Variants in TGFBR1 observed in about 807,000 individuals in gnomAD.
TGFBR1 encodes transforming growth factor beta receptor 1.
Under a neutral mutation model 55.1 loss-of-function variants are expected in TGFBR1, and 20 were observed. The ratio of observed to expected loss-of-function variants is 0.36; its 90% CI spans 0.26 to 0.53. TGFBR1 has a LOEUF of 0.53. Among genes scored for constraint, TGFBR1 ranks in the 20% least tolerant of loss-of-function variants. TGFBR1 has a pLI of 0.91. For missense variants in TGFBR1, 385 were observed against 617.6 expected (o/e 0.62, Z 3.99); for synonymous variants, 220 against 214.8 (o/e 1.02, Z -0.21).
intron 1 of TGFBR1, among the ~76,000 whole-genome samples, chr9:99,109,340 G>T (rs1410262380): frequency 2.0e-5 from 3 of 152,140 alleles, no homozygotes; most frequent in Non-Finnish European, 4.4e-5. Flanking sequence ...TTGAATTGGG[G>T]TGTAGTTAGA....
intron 3 of TGFBR1, 134 bp downstream of exon 3, chr9:99,132,873 A>G (rs1827288946): frequency 1.0e-5 from 13 of 1,246,568 alleles, no homozygotes; most frequent in South Asian, 1.5e-5. Context: ...TGAACCTAAT[A>G]AAAATCTTTA....
chr9:99,149,032 A>T, intron 8 of TGFBR1, 148 bp from the exon 9 acceptor site: 1 of 843,278 alleles, frequency 1.2e-6, no homozygotes, highest in Non-Finnish European at 1.8e-6. Context: ...AAATTTATGT[A>T]ATTTCTACTC....
At chr9:99,130,219 A>G (rs1827178556) in intron 2 of TGFBR1, among the ~76,000 whole-genome samples, 1 of 152,154 alleles carries the variant, frequency 6.6e-6, no homozygotes, top group Non-Finnish European at 1.5e-5. Flanking sequence ...AAGTCCAGCC[A>G]ATAACTTAGA....
In TGFBR1 at chr9:99,151,698, G is replaced by A. The variant is rs77810552; in HGVS notation, c.*2393G>A. 9.7e-4 allele frequency: 218 copies of A among 224,804 alleles called. 1 individual carries two copies. Among genetic ancestry groups the A allele is most frequent in the African/African-American group, 4.6e-3 (207 of 44,976 alleles). 13.9% of individuals were successfully genotyped at this position (224,804 alleles called of 1,614,324 possible). On this transcript the variant is annotated 3_prime_UTR_variant, in exon 9 of 9. Transcript: ENST00000374994. ...GGAATTTTTTTAAAGTTGGAGTTTA[G>A]TTCTAAATTGACTTTACGTATTACT...
intron 3 of TGFBR1, among the ~76,000 whole-genome samples, chr9:99,135,544 A>G (rs761348524): frequency 1.6e-4 from 24 of 152,248 alleles, no homozygotes; most frequent in Admixed American, 1.4e-3. Context: ...TTCAGGGAAT[A>G]CAATGAAGAG....
intron 1 of TGFBR1, 34 bp downstream of exon 1, chr9:99,105,336 G>T: frequency 1.0e-6 from 1 of 980,422 alleles, no homozygotes; most frequent in Non-Finnish European, 1.2e-6. Flanking sequence ...GCGACTGCGG[G>T]GCGCGCGGGC....
intron 3 of TGFBR1, among the ~76,000 whole-genome samples, chr9:99,137,088 A>G (rs11568775): frequency 0.013 from 1,960 of 152,278 alleles, 42 homozygotes; most frequent in Non-Finnish European, 0.016. Context: ...GGAGAAAGCC[A>G]AGTTCCATTA....
intron 2 of TGFBR1, among the ~76,000 whole-genome samples, chr9:99,130,415 C>T (rs1012127447): frequency 4.8e-4 from 73 of 152,172 alleles, no homozygotes; most frequent in Non-Finnish European, 7.3e-5. Flanking sequence ...GCCAGTCCTC[C>T]ACCTGTTCAG....
intron 1 of TGFBR1, among the ~76,000 whole-genome samples, chr9:99,116,810 C>G (rs1826757169): frequency 6.6e-6 from 1 of 152,152 alleles, no homozygotes; most frequent in Non-Finnish European, 1.5e-5. Flanking sequence ...CAGTACATCT[C>G]AAGCCTAAGT....
intron 2 of TGFBR1, among the ~76,000 whole-genome samples, chr9:99,132,027 T>C (rs1827242825): frequency 6.6e-6 from 1 of 151,960 alleles, no homozygotes; most frequent in Admixed American, 6.6e-5. Context: ...TTAGAAGTGA[T>C]GAAGATGTAT....
At chr9:99,105,761 C>T (rs998383248) in intron 1 of TGFBR1, among the ~76,000 whole-genome samples, 32 of 152,266 alleles carry the variant, frequency 2.1e-4, no homozygotes, top group African/African-American at 7.7e-4. Context: ...CAGAGGCTGC[C>T]GAACCCGGGG....
chr9:99,133,499 T>C (rs529254577), intron 3 of TGFBR1, among the ~76,000 whole-genome samples: 3 of 152,324 alleles, frequency 2.0e-5, no homozygotes, highest in Non-Finnish European at 4.4e-5. Context: ...TGGAAAAATA[T>C]TAAGAGAGGA....
intron 2 of TGFBR1, among the ~76,000 whole-genome samples, chr9:99,132,143 T>TA (rs759052421): frequency 6.6e-6 from 1 of 151,884 alleles, no homozygotes; most frequent in African/African-American, 2.4e-5. Context: ...AGCCAAACAT[T>TA]AAAAAAAATA....
intron 1 of TGFBR1, among the ~76,000 whole-genome samples, chr9:99,106,117 G>A (rs1335500456): frequency 6.6e-6 from 1 of 152,234 alleles, no homozygotes; most frequent in Non-Finnish European, 1.5e-5. Context: ...GGAAATTTTG[G>A]GAACGACTGT....
At position 99,132,671 on chromosome 9, in the gene TGFBR1, C is replaced by G. The variant is rs756643977; in HGVS notation, c.506C>G (p.Pro169Arg). The change falls in exon 3 of 9, where the codon CCT becomes CGT. Residue 169 changes from proline (P) to arginine (R), a missense_variant. Coordinates refer to ENST00000374994, the MANE Select transcript of TGFBR1 (RefSeq NM_004612.4). Reference sequence around the variant, plus strand: ...GAAGAGGACCCTTCATTAGATCGCCCTTTTATTTCAGAGGGTACTACGTTG... The same window carrying G: ...GAAGAGGACCCTTCATTAGATCGCCGTTTTATTTCAGAGGGTACTACGTTG... ...PNEEDPSLDR[P>R]FISEGTTLKD... 2 of 1,614,096 alleles carry G rather than the reference C, an allele frequency of 1.2e-6. No homozygotes were observed.
In TGFBR1 at chr9:99,142,536, A is replaced by AAT. The variant is rs1827645057; in HGVS notation, c.806_807insAT (p.Asp269GlufsTer25). 1 of 1,613,942 alleles carries AAT rather than the reference A, an allele frequency of 6.2e-7. No individual in the cohort carries two copies. Among genetic ancestry groups the AAT allele is most frequent in the Non-Finnish European group, 8.5e-7 (1 of 1,179,918 alleles). On this transcript the variant is annotated frameshift_variant and splice_region_variant, in exon 5 of 9. Transcript: ENST00000374994. LOFTEE classifies it high-confidence loss of function. ...CCGAAATGTTAATTCTGTTTTACAG[A>AAT]CAATGGTACTTGGACTCAGCTCTGG...
rs200514984 is a variant in TGFBR1 at position 99,149,825 on chromosome 9, T to A, written c.*520T>A. ...ACACTTATAAAACTCTTATCTTGAGTCTAAAAATGACCTCATATAGTAGTG... is the reference window on the plus strand; with the variant it reads ...ACACTTATAAAACTCTTATCTTGAGACTAAAAATGACCTCATATAGTAGTG... On this transcript the variant is annotated 3_prime_UTR_variant, in exon 9 of 9. Transcript: ENST00000374994. 1 of 226,498 alleles carries A rather than the reference T, an allele frequency of 4.4e-6. No homozygotes were observed. Among genetic ancestry groups the A allele is most frequent in the East Asian group, 6.7e-5 (1 of 15,024 alleles). The allele number at this position is 226,498 out of a possible 1,614,324, so 14.0% of individuals were successfully genotyped here.
rs139030300 is a variant in TGFBR1, at chr9:99,117,844, A to G, written c.98-11011A>G. ...ATATAAATTTCAGAATCAACTTGTC[A>G]GTTCCCACTGAATAAAAAAACCCTG... On this transcript the variant is annotated intron_variant, in intron 1 of 8. Coordinates refer to ENST00000374994, the MANE Select transcript of TGFBR1 (RefSeq NM_004612.4). 3.3e-3 allele frequency among the ~76,000 whole-genome samples: 498 copies of G among 152,336 alleles called. 2 individuals carry two copies. Among genetic ancestry groups the G allele is most frequent in the African/African-American group, 0.011 (449 of 41,586 alleles).
chr9:99,104,040 G>T (rs1385361441), upstream of TGFBR1: 1 of 152,224 alleles, frequency 6.6e-6, no homozygotes, highest in African/African-American at 2.4e-5. Flanking sequence ...GTTTGTGTCT[G>T]AAGAAAGGAC....
Sources: gnomAD v4.1 joint callset for allele counts (sites outside exome capture counted in the v4.1 genomes callset) on GRCh38, gnomAD v4.1.1 for gene constraint, MANE v1.5 for transcripts, NCBI Gene and HGNC (gene_info 2026-07-23, HGNC 2026-07-21) for gene names.